The following THEMIS variants were observed in gnomAD, a reference collection of about 807,000 sequenced individuals.
The protein encoded by THEMIS is thymocyte selection associated.
In THEMIS, 37 loss-of-function variants were observed where a neutral mutation model predicts 52.6. The observed-to-expected ratio is 0.70, with a 90% CI of 0.54 to 0.93. The LOEUF is 0.93. THEMIS is among the 40% of genes least tolerant of loss of function. The pLI is 0.00. For missense variants in THEMIS, 808 were observed against 763.1 expected (o/e 1.06, Z -0.69); for synonymous variants, 292 against 272.7 (o/e 1.07, Z -0.70).
chr6:127,706,360 A>G (rs929294564), downstream of THEMIS, among the ~76,000 whole-genome samples: 1 of 152,118 alleles, frequency 6.6e-6, no homozygotes, highest in African/African-American at 2.4e-5. Context: ...TTTTACATAT[A>G]TGTAGGAATT....
the THEMIS span, among the ~76,000 whole-genome samples, chr6:127,701,820 T>A: frequency 1.3e-5 from 2 of 152,218 alleles, no homozygotes; most frequent in African/African-American, 4.8e-5. Context: ...TTATGTTCAT[T>A]ATCCTTTCGA....
the THEMIS span, among the ~76,000 whole-genome samples, chr6:127,702,898 T>C: frequency 6.6e-6 from 1 of 152,046 alleles, no homozygotes; most frequent in African/African-American, 2.4e-5. Context: ...GGGAAAGACC[T>C]GCCCCCATGA....
intron 4 of THEMIS, among the ~76,000 whole-genome samples, chr6:127,721,506 T>C (rs374476296): frequency 1.4e-4 from 22 of 152,140 alleles, no homozygotes; most frequent in Admixed American, 3.3e-4. Flanking sequence ...AAGTCATTTG[T>C]AGATATTTCT....
chr6:127,757,481 CT>C lies in THEMIS; in HGVS notation c.1759-37659del, dbSNP rs199731800. Among the ~76,000 whole-genome samples, 288 of 146,370 alleles carry C rather than the reference CT, an allele frequency of 2.0e-3. 2 individuals are homozygous for C. The East Asian group carries it at 0.021, about 11-fold the overall frequency. ...AAAGTGATACATGTCACACATGTCACTTTTTTTTTTTTCTTTTTTGAGACGG... is the reference window on the plus strand; with the variant it reads ...AAAGTGATACATGTCACACATGTCACTTTTTTTTTTTCTTTTTTGAGACGG... On this transcript the variant is annotated intron_variant, in intron 4 of 5. Transcript: ENST00000368248.
chr6:127,895,932 T>C (rs563788612), intron 1 of THEMIS, among the ~76,000 whole-genome samples: 4 of 151,438 alleles, frequency 2.6e-5, no homozygotes, highest in African/African-American at 9.6e-5. Context: ...TAAGCCAATA[T>C]TATTCCCTAA....
chr6:127,730,318 G>GAAAAGAAAAGAAGAGAAAAGAA (rs1456074763), intron 4 of THEMIS, among the ~76,000 whole-genome samples: 1 of 116,958 alleles, frequency 8.6e-6, no homozygotes, highest in Non-Finnish European at 1.7e-5. Flanking sequence ...AAAGAAAAGA[G>GAAAAGAAAAGAAGAGAAAAGAA]AAAAAAAGAA....
intron 4 of THEMIS, among the ~76,000 whole-genome samples, chr6:127,759,521 C>T (rs1418313856): frequency 6.6e-6 from 1 of 152,064 alleles, no homozygotes; most frequent in African/African-American, 2.4e-5. Flanking sequence ...ACCAGTCTTC[C>T]TCATCGCAGT....
intron 2 of THEMIS, among the ~76,000 whole-genome samples, chr6:127,839,023 A>G (rs1345966573): frequency 2.0e-5 from 3 of 152,050 alleles, no homozygotes; most frequent in African/African-American, 7.2e-5. Flanking sequence ...GTACTCCCTC[A>G]TTATCCTATT....
intron 1 of THEMIS, among the ~76,000 whole-genome samples, chr6:127,887,866 G>A (rs1442411474): frequency 6.6e-6 from 1 of 152,106 alleles, no homozygotes; most frequent in East Asian, 1.9e-4. Flanking sequence ...TGATAAAACT[G>A]TAAGAAAAAT....
At chr6:127,796,079 A>G (rs534755197) in intron 4 of THEMIS, among the ~76,000 whole-genome samples, 2 of 152,344 alleles carry the variant, frequency 1.3e-5, no homozygotes, top group East Asian at 1.9e-4. Context: ...TTTAGAATAC[A>G]TTATAGTGGA....
At chr6:127,903,407 TA>T (rs938009180), upstream of THEMIS, among the ~76,000 whole-genome samples, 16 of 150,314 alleles carry the variant, frequency 1.1e-4, no homozygotes, top group Admixed American at 2.0e-4. Context: ...ACGAGAATTT[TA>T]AAAAAAAAAC....
chr6:127,835,569 C>A (rs1272899649), intron 2 of THEMIS, among the ~76,000 whole-genome samples: 1 of 152,136 alleles, frequency 6.6e-6, no homozygotes, highest in East Asian at 1.9e-4. Context: ...TATTAAGTCT[C>A]CTCATTTGCC....
intron 4 of THEMIS, among the ~76,000 whole-genome samples, chr6:127,742,836 G>A (rs1343530857): frequency 6.6e-6 from 1 of 152,112 alleles, no homozygotes; most frequent in Non-Finnish European, 1.5e-5. Flanking sequence ...AAATGTTCTG[G>A]AGATGGAGAT....
chr6:127,697,126 T>C, the THEMIS span, among the ~76,000 whole-genome samples: 1 of 152,162 alleles, frequency 6.6e-6, no homozygotes, highest in Non-Finnish European at 1.5e-5. Context: ...CAAAAATTAA[T>C]GTGTCCAAAA....
intron 3 of THEMIS, among the ~76,000 whole-genome samples, chr6:127,817,707 T>A (rs1778184224): frequency 6.6e-6 from 1 of 151,806 alleles, no homozygotes; most frequent in Non-Finnish European, 1.5e-5. Flanking sequence ...GGTAGGCAAA[T>A]ACAAACAGTC....
chr6:127,821,311 T>A (rs1778333443), intron 3 of THEMIS, among the ~76,000 whole-genome samples: 1 of 152,042 alleles, frequency 6.6e-6, no homozygotes, highest in Non-Finnish European at 1.5e-5. Context: ...AAAAAAGTTC[T>A]TTTTGACTCT....
At chr6:127,885,252 A>T (rs2114446639) in intron 1 of THEMIS, among the ~76,000 whole-genome samples, 1 of 152,210 alleles carries the variant, frequency 6.6e-6, no homozygotes, top group East Asian at 1.9e-4. Context: ...CCCCCTTTTG[A>T]GCTTTAAAAC....
chr6:127,900,169 G>C (rs904508887), intron 1 of THEMIS, among the ~76,000 whole-genome samples: 1 of 151,612 alleles, frequency 6.6e-6, no homozygotes, highest in Non-Finnish European at 1.5e-5. Context: ...AAAGATTCTA[G>C]GTTGTATATT....
At chr6:127,804,604 C>T (rs1025463551) in intron 4 of THEMIS, among the ~76,000 whole-genome samples, 4 of 152,058 alleles carry the variant, frequency 2.6e-5, no homozygotes, top group African/African-American at 7.2e-5. Flanking sequence ...AGATGTCTGA[C>T]AACATTGTGA....
Sources: gnomAD v4.1 joint callset for allele counts (sites outside exome capture counted in the v4.1 genomes callset) on GRCh38, gnomAD v4.1.1 for gene constraint, MANE v1.5 for transcripts, NCBI Gene and HGNC (gene_info 2026-07-23, HGNC 2026-07-21) for gene names.